The following DPP10 variants were observed in gnomAD, a reference collection of about 807,000 sequenced individuals.
DPP10 encodes inactive dipeptidyl peptidase 10.
In DPP10, 33 loss-of-function variants were observed where a neutral mutation model predicts 120.9. The ratio of observed to expected loss-of-function variants is 0.27; its 90% CI spans 0.21 to 0.37. The LOEUF is 0.37. DPP10 is among the 10% of genes least tolerant of loss of function. The pLI, the probability that DPP10 is intolerant of heterozygous loss-of-function variation, is 1.00. For synonymous variants in DPP10, 337 were observed against 326.1 expected (o/e 1.03, Z -0.36); for missense variants, 816 against 942.8 (o/e 0.87, Z 1.76).
intron 3 of DPP10, among the ~76,000 whole-genome samples, chr2:115,493,903 GA>G (rs1426554710): frequency 6.6e-6 from 1 of 151,988 alleles, no homozygotes; most frequent in South Asian, 2.1e-4. Flanking sequence ...CTGTGAAAGG[GA>G]AAAAACTAGG....
At chr2:115,746,628 T>A (rs1341377720) in intron 10 of DPP10, among the ~76,000 whole-genome samples, 1 of 152,188 alleles carries the variant, frequency 6.6e-6, no homozygotes, top group Non-Finnish European at 1.5e-5. Context: ...TTTAAGAATT[T>A]TTTTTTCAAA....
chr2:115,774,505 T>A (rs1681863034), intron 13 of DPP10, among the ~76,000 whole-genome samples: 3 of 152,110 alleles, frequency 2.0e-5, no homozygotes, highest in African/African-American at 7.2e-5. Flanking sequence ...CAATAAAATG[T>A]ATGACTTTAG....
At chr2:114,625,944 A>T (rs1204699652) in intron 1 of DPP10, among the ~76,000 whole-genome samples, 2 of 151,890 alleles carry the variant, frequency 1.3e-5, no homozygotes, top group African/African-American at 4.8e-5. Context: ...GCTTATTGCT[A>T]TTGGGTTGTT....
intron 1 of DPP10, among the ~76,000 whole-genome samples, chr2:114,722,138 T>C (rs1043578774): frequency 2.6e-5 from 4 of 152,148 alleles, no homozygotes; most frequent in East Asian, 1.9e-4. Flanking sequence ...GAGGGAATTA[T>C]AGGAGTAAAG....
intron 1 of DPP10, among the ~76,000 whole-genome samples, chr2:115,018,645 A>C (rs1224211031): frequency 6.6e-6 from 1 of 152,244 alleles, no homozygotes; most frequent in Admixed American, 6.5e-5. Context: ...CTCACTCATA[A>C]GTAGGAGCTG....
At chr2:114,800,460 G>A (rs10496475) in intron 1 of DPP10, among the ~76,000 whole-genome samples, 19,133 of 152,050 alleles carry the variant, frequency 0.13, 1,512 homozygotes, top group East Asian at 0.22. Context: ...CTTCACATAC[G>A]AGGAATGCTA....
chr2:115,325,054 C>T (rs748037469), intron 2 of DPP10, among the ~76,000 whole-genome samples: 6 of 151,922 alleles, frequency 3.9e-5, no homozygotes, highest in African/African-American at 7.3e-5. Context: ...TCCCTGATCA[C>T]AGATCACCGT....
intron 1 of DPP10, among the ~76,000 whole-genome samples, chr2:114,684,221 C>T (rs77043302): frequency 0.034 from 5,209 of 151,956 alleles, 232 homozygotes; most frequent in Admixed American, 0.12. Flanking sequence ...TACAAGTAGA[C>T]CTTCCTGTGA....
chr2:114,899,281 GT>G (rs555347937), intron 1 of DPP10, among the ~76,000 whole-genome samples: 5 of 151,492 alleles, frequency 3.3e-5, no homozygotes, highest in Admixed American at 3.3e-4. Flanking sequence ...CAGCTTTGAG[GT>G]TTTTTTTAAC....
chr2:114,888,236 G>A (rs1176414001), intron 1 of DPP10, among the ~76,000 whole-genome samples: 7 of 152,128 alleles, frequency 4.6e-5, no homozygotes, highest in Non-Finnish European at 1.0e-4. Context: ...CAGAGCAGTG[G>A]CATCCACATT....
chr2:115,664,272 A>G (rs940424612), intron 5 of DPP10, among the ~76,000 whole-genome samples: 4 of 151,920 alleles, frequency 2.6e-5, no homozygotes, highest in African/African-American at 7.2e-5. Context: ...CCAAAAAAGT[A>G]TACTTAAGAA....
At chr2:114,518,828 T>A (rs1437928920) in intron 1 of DPP10, among the ~76,000 whole-genome samples, 1 of 152,206 alleles carries the variant, frequency 6.6e-6, no homozygotes, top group African/African-American at 2.4e-5. Context: ...TGCCACTATC[T>A]AATTGTGTGA....
At chr2:115,538,776 C>T (rs1197140986) in intron 5 of DPP10, among the ~76,000 whole-genome samples, 3 of 151,832 alleles carry the variant, frequency 2.0e-5, no homozygotes, top group Non-Finnish European at 2.9e-5. Flanking sequence ...GAACCGTGTG[C>T]CAATACTGCA....
At chr2:115,752,406 C>A (rs989244412) in intron 10 of DPP10, among the ~76,000 whole-genome samples, 1 of 152,132 alleles carries the variant, frequency 6.6e-6, no homozygotes, top group Non-Finnish European at 1.5e-5. Flanking sequence ...TATAAACTTT[C>A]CAATCACCAG....
At chr2:115,435,825 T>C (rs1445151822) in intron 3 of DPP10, among the ~76,000 whole-genome samples, 2 of 151,918 alleles carry the variant, frequency 1.3e-5, no homozygotes, top group African/African-American at 4.8e-5. Flanking sequence ...CATATGTTCA[T>C]GTCTTACATT....
chr2:115,438,465 C>T (rs1336177648), intron 3 of DPP10, among the ~76,000 whole-genome samples: 2 of 152,068 alleles, frequency 1.3e-5, no homozygotes, highest in African/African-American at 2.4e-5. Flanking sequence ...TCAGTAGCCC[C>T]CCACTCCCCG....
intron 5 of DPP10, among the ~76,000 whole-genome samples, chr2:115,552,712 C>T (rs573918710): frequency 6.6e-6 from 1 of 152,068 alleles, no homozygotes; most frequent in African/African-American, 2.4e-5. Context: ...AAATATTCAT[C>T]AATATTCATC....
intron 1 of DPP10, among the ~76,000 whole-genome samples, chr2:114,599,076 T>A (rs1015696484): frequency 2.6e-5 from 4 of 151,850 alleles, no homozygotes; most frequent in African/African-American, 9.7e-5. Context: ...ACTATATTAT[T>A]TGAATCTGGA....
chr2:114,690,076 CTTTAG>C (rs1480973519), intron 1 of DPP10, among the ~76,000 whole-genome samples: 8 of 151,958 alleles, frequency 5.3e-5, no homozygotes, highest in Non-Finnish European at 1.0e-4. Context: ...TGAAGATGCT[CTTTAG>C]TTTAATTAGA....
Sources: allele counts gnomAD v4.1 joint callset (sites outside exome capture counted in the v4.1 genomes callset), GRCh38; gene constraint gnomAD v4.1.1; transcripts MANE v1.5; gene names NCBI Gene and HGNC (gene_info 2026-07-23, HGNC 2026-07-21).